The following CRADD variants were observed in gnomAD, a reference collection of about 807,000 sequenced individuals.
CRADD encodes the protein death domain-containing protein CRADD.
In CRADD, 9 loss-of-function variants were observed where a neutral mutation model predicts 15.5. The observed-to-expected ratio is 0.58, with a 90% CI of 0.35 to 1.01. The LOEUF is 1.01. Ranked by LOEUF, CRADD falls within the 50% of genes least tolerant of loss-of-function variation. The pLI, the probability that CRADD is intolerant of heterozygous loss-of-function variation, is 0.02. For synonymous variants in CRADD, 118 were observed against 107.6 expected (o/e 1.10, Z -0.60); for missense variants, 227 against 250.3 (o/e 0.91, Z 0.63).
chr12:93,776,326 G>A (rs1341508912), intron 2 of CRADD, among the ~76,000 whole-genome samples: 1 of 152,160 alleles, frequency 6.6e-6, no homozygotes, highest in Non-Finnish European at 1.5e-5. Context: ...ACTTGTAAAG[G>A]GGTTATTTGT....
At chr12:93,780,882 G>C (rs777926315) in intron 2 of CRADD, among the ~76,000 whole-genome samples, 1 of 150,590 alleles carries the variant, frequency 6.6e-6, no homozygotes, top group Non-Finnish European at 1.5e-5. Flanking sequence ...GCATAGCTGG[G>C]ATTACAGGCA....
chr12:93,710,669 G>A (rs1956049540), intron 2 of CRADD, among the ~76,000 whole-genome samples: 1 of 152,058 alleles, frequency 6.6e-6, no homozygotes, highest in Non-Finnish European at 1.5e-5. Flanking sequence ...TTGAAGCCTA[G>A]ATCTAGAACT....
intron 2 of CRADD, among the ~76,000 whole-genome samples, chr12:93,696,515 T>C (rs1955710064): frequency 6.6e-6 from 1 of 152,206 alleles, no homozygotes; most frequent in East Asian, 1.9e-4. Context: ...CTCACTTATA[T>C]GTAGAATCTA....
chr12:93,808,187 A>G (rs7955536), intron 2 of CRADD, among the ~76,000 whole-genome samples: 92 of 152,034 alleles, frequency 6.1e-4, no homozygotes, highest in African/African-American at 2.1e-3. Context: ...TCTCCCTCAC[A>G]CAGCCTGTTC....
chr12:93,800,601 T>C (rs1402573365), intron 2 of CRADD, among the ~76,000 whole-genome samples: 2 of 152,138 alleles, frequency 1.3e-5, no homozygotes, highest in Non-Finnish European at 2.9e-5. Flanking sequence ...TCTCTCTCTC[T>C]GGCCACTATG....
chr12:93,731,185 G>A (rs1028179047), intron 2 of CRADD, among the ~76,000 whole-genome samples: 4 of 152,116 alleles, frequency 2.6e-5, no homozygotes, highest in Admixed American at 6.5e-5. Flanking sequence ...ATAATTATTA[G>A]TGTTTTATTT....
At chr12:93,692,479 G>T (rs574385279) in intron 2 of CRADD, among the ~76,000 whole-genome samples, 1 of 152,204 alleles carries the variant, frequency 6.6e-6, no homozygotes, top group African/African-American at 2.4e-5. Context: ...AGCAGCAAGA[G>T]AAAAGAAGCA....
chr12:93,871,447 ATTAAG>A (rs1958418731), intron 2 of CRADD, among the ~76,000 whole-genome samples: 3 of 152,274 alleles, frequency 2.0e-5, no homozygotes, highest in Non-Finnish European at 2.9e-5. Context: ...AAAATATACA[ATTAAG>A]TTATTATTGA....
intron 2 of CRADD, among the ~76,000 whole-genome samples, chr12:93,737,422 T>A (rs556094311): frequency 6.6e-6 from 1 of 152,218 alleles, no homozygotes; most frequent in African/African-American, 2.4e-5. Context: ...TATGTAAACA[T>A]TGAGATTACA....
chr12:93,775,510 T>C (rs2136965366), intron 2 of CRADD, among the ~76,000 whole-genome samples: 1 of 152,314 alleles, frequency 6.6e-6, no homozygotes, highest in Non-Finnish European at 1.5e-5. Flanking sequence ...ATCTCAAGTA[T>C]AGTTACTAAA....
intron 2 of CRADD, among the ~76,000 whole-genome samples, chr12:93,759,739 T>G (rs1386108338): frequency 1.3e-5 from 2 of 152,104 alleles, no homozygotes; most frequent in Non-Finnish European, 2.9e-5. Flanking sequence ...GCACCCTATC[T>G]CAGTCTGATT....
intron 2 of CRADD, among the ~76,000 whole-genome samples, chr12:93,834,662 A>G (rs1957954538): frequency 6.6e-6 from 1 of 152,044 alleles, no homozygotes; most frequent in Admixed American, 6.6e-5. Flanking sequence ...CTAATTTTGT[A>G]TTTTCAGTAG....
At chr12:93,798,376 G>A (rs993786070) in intron 2 of CRADD, among the ~76,000 whole-genome samples, 1 of 152,122 alleles carries the variant, frequency 6.6e-6, no homozygotes, top group Non-Finnish European at 1.5e-5. Context: ...AAGGGTTATA[G>A]ACAGAAATAA....
intron 2 of CRADD, among the ~76,000 whole-genome samples, chr12:93,888,625 G>T (rs1056358812): frequency 6.6e-6 from 1 of 152,058 alleles, no homozygotes; most frequent in Non-Finnish European, 1.5e-5. Context: ...TTTGGAGCAT[G>T]CAAGGCAGGG....
intron 2 of CRADD, among the ~76,000 whole-genome samples, chr12:93,885,311 A>G (rs1272783697): frequency 1.3e-5 from 2 of 152,226 alleles, no homozygotes; most frequent in South Asian, 2.1e-4. Context: ...TGGGCTATGC[A>G]TTAAACCAAA....
intron 2 of CRADD, among the ~76,000 whole-genome samples, chr12:93,864,025 G>T (rs1028178233): frequency 6.6e-6 from 1 of 152,058 alleles, no homozygotes; most frequent in South Asian, 2.1e-4. Context: ...GGGAAACACT[G>T]CAGCTATGGC....
chr12:93,711,055 C>CCCCTTTTTTT, intron 2 of CRADD, among the ~76,000 whole-genome samples: 12 of 43,510 alleles, frequency 2.8e-4, no homozygotes, highest in Admixed American at 5.2e-4. Context: ...CCACCCCCGC[C>CCCCTTTTTTT]TTTTTTTTTT....
At chr12:93,884,536 C>T (rs1277680451) in intron 2 of CRADD, among the ~76,000 whole-genome samples, 7 of 152,182 alleles carry the variant, frequency 4.6e-5, no homozygotes, top group African/African-American at 1.2e-4. Flanking sequence ...GGGGTGGGGC[C>T]TCGGGAAGTT....
intron 2 of CRADD, among the ~76,000 whole-genome samples, chr12:93,732,650 G>C (rs941606268): frequency 3.3e-5 from 5 of 152,178 alleles, no homozygotes; most frequent in African/African-American, 1.2e-4. Context: ...GTGCATTTTA[G>C]AGTCAGACAG....
Sources: gnomAD v4.1 joint callset for allele counts (sites outside exome capture counted in the v4.1 genomes callset) on GRCh38, gnomAD v4.1.1 for gene constraint, MANE v1.5 for transcripts, NCBI Gene and HGNC (gene_info 2026-07-23, HGNC 2026-07-21) for gene names.